The following ANKIB1 variants were observed in gnomAD, a reference collection of about 807,000 sequenced individuals.
ANKIB1 encodes the protein ankyrin repeat and IBR domain containing 1.
In ANKIB1, 43 loss-of-function variants were observed where a neutral mutation model predicts 122.1. The ratio of observed to expected loss-of-function variants is 0.35; its 90% CI spans 0.28 to 0.45. ANKIB1 has a LOEUF of 0.45. ANKIB1 is among the 20% of genes least tolerant of loss of function. ANKIB1 has a pLI of 1.00. For missense variants in ANKIB1, 992 were observed against 1,329.5 expected (o/e 0.75, Z 3.95); for synonymous variants, 390 against 442.0 (o/e 0.88, Z 1.48).
rs143386540 is a variant in ANKIB1 at position 92,314,068 on chromosome 7, C to T, written c.487-5262C>T. On this transcript the variant is annotated intron_variant, in intron 3 of 19. Coordinates refer to ENST00000265742, the MANE Select transcript of ANKIB1 (RefSeq NM_019004.2). ...ATCCCACTACTTTGGTTGGCCGAGG[C>T]GGGAGCGTATCTTGAGCCCAAAAGT... 2.9e-3 allele frequency among the ~76,000 whole-genome samples: 439 copies of T among 152,076 alleles called. 2 individuals are homozygous for T. The highest frequency in any genetic ancestry group is 4.9e-3 in the Non-Finnish European group (335 of 67,976).
chr7:92,392,142 A>G (rs1804799604), intron 16 of ANKIB1, 99 bp from the exon 17 acceptor site: 1 of 916,976 alleles, frequency 1.1e-6, no homozygotes, highest in African/African-American at 1.7e-5. Context: ...GCAAGTTCCA[A>G]CAGAGGAATT....
chr7:92,272,875 C>T (rs1312771862), intron 1 of ANKIB1, among the ~76,000 whole-genome samples: 1 of 152,094 alleles, frequency 6.6e-6, no homozygotes, highest in Non-Finnish European at 1.5e-5. Context: ...ATGTAAAAGC[C>T]TATTGCTCCT....
chr7:92,295,384 A>T lies in ANKIB1; in HGVS notation c.188+218A>T, dbSNP rs561509618. On this transcript the variant is annotated intron_variant, in intron 2 of 19. Coordinates refer to ENST00000265742, the MANE Select transcript of ANKIB1 (RefSeq NM_019004.2). ...GATATCATTTTCTTTATTATGATTT[A>T]GTCAAATTTTCTTTATTATATCTGA... Among the ~76,000 whole-genome samples, 3 of 152,290 alleles carry T rather than the reference A, an allele frequency of 2.0e-5. No homozygotes were observed. In the South Asian group the frequency reaches 6.2e-4, roughly 32 times the overall value.
intron 4 of ANKIB1, among the ~76,000 whole-genome samples, chr7:92,323,354 A>C (rs1225157255): frequency 8.5e-5 from 13 of 152,122 alleles, no homozygotes; most frequent in Admixed American, 7.2e-4. Context: ...TATCGTGTAA[A>C]TTGACTGTTC....
rs200370929 is a variant in ANKIB1, at chr7:92,398,701, T to C, written c.3022T>C (p.Ser1008Pro). The C allele has an allele frequency of 5.0e-6, 8 of 1,613,702 alleles. No individual in the cohort carries two copies. The East Asian group carries it at 1.8e-4, about 36-fold the overall frequency. Residue 1008 changes from serine (S) to proline (P), a missense_variant, in exon 20 of 20, where the codon TCA (serine) becomes CCA (proline). Ser to Pro is a moderately conservative substitution (Grantham distance 74). This residue lies in a region of ANKIB1 where 384 missense variants were observed against 412.0 expected (regional missense o/e 0.93). Transcript: ENST00000265742. ...DSQLPCIKDG[S>P]EGVKDVELVL... ...CCAGCTCCCCTGTATCAAAGATGGG[T>C]CAGAAGGTGTGAAGGATGTGGAACT...
At chr7:92,331,102 A>G (rs1803163190) in intron 5 of ANKIB1, among the ~76,000 whole-genome samples, 1 of 152,062 alleles carries the variant, frequency 6.6e-6, no homozygotes, top group African/African-American at 2.4e-5. Flanking sequence ...TCATAGTTGT[A>G]CTGGTTAGGG....
At chr7:92,338,929 AAAAAAT>A (rs1236402500) in intron 5 of ANKIB1, among the ~76,000 whole-genome samples, 18 of 36,810 alleles carry the variant, frequency 4.9e-4, no homozygotes, top group African/African-American at 1.6e-3. Flanking sequence ...AAAAAAAAAA[AAAAAAT>A]ATATATATAT....
At chr7:92,365,947 C>T (rs1304238752) in intron 10 of ANKIB1, among the ~76,000 whole-genome samples, 2 of 151,570 alleles carry the variant, frequency 1.3e-5, no homozygotes, top group Admixed American at 1.3e-4. Context: ...AGGCACCTGC[C>T]ACCATGCCCG....
At chr7:92,353,186 G>A (rs1442594087) in intron 9 of ANKIB1, among the ~76,000 whole-genome samples, 5 of 152,124 alleles carry the variant, frequency 3.3e-5, no homozygotes, top group Non-Finnish European at 7.4e-5. Flanking sequence ...GTTTTTGAGT[G>A]GGGCTCTAAA....
At chr7:92,357,549 A>G (rs1803843785) in intron 9 of ANKIB1, among the ~76,000 whole-genome samples, 1 of 152,076 alleles carries the variant, frequency 6.6e-6, no homozygotes, top group Admixed American at 6.6e-5. Context: ...AGCCTGGGCA[A>G]CATGGTGAAA....
At chr7:92,258,464 G>C (rs533844823) in intron 1 of ANKIB1, among the ~76,000 whole-genome samples, 1 of 152,268 alleles carries the variant, frequency 6.6e-6, no homozygotes, top group East Asian at 1.9e-4. Context: ...AGTGGGATCT[G>C]AGAGTGTTCA....
chr7:92,340,737 A>G (rs1403752996), intron 5 of ANKIB1, among the ~76,000 whole-genome samples: 1 of 152,222 alleles, frequency 6.6e-6, no homozygotes. Flanking sequence ...AATATTAGCT[A>G]ATGTTTATTG....
At chr7:92,305,912 T>A (rs1056276127) in intron 2 of ANKIB1, among the ~76,000 whole-genome samples, 4 of 152,170 alleles carry the variant, frequency 2.6e-5, no homozygotes, top group Admixed American at 2.6e-4. Context: ...GAGGAGTGGA[T>A]GATCCTCGAG....
chr7:92,309,942 A>ATATATATATATATATATAT (rs1554338740), intron 3 of ANKIB1, among the ~76,000 whole-genome samples: 5 of 91,796 alleles, frequency 5.4e-5, no homozygotes, highest in African/African-American at 2.4e-4. Flanking sequence ...AAAAAAAAAA[A>ATATATATATATATATATAT]ATATATATAT....
intron 11 of ANKIB1, among the ~76,000 whole-genome samples, chr7:92,382,745 C>CAT: frequency 6.6e-6 from 1 of 152,128 alleles, no homozygotes; most frequent in African/African-American, 2.4e-5. Flanking sequence ...AAGCAGTGTG[C>CAT]AGAGGGAAAT....
At chr7:92,278,612 C>G (rs553501101) in intron 1 of ANKIB1, among the ~76,000 whole-genome samples, 2 of 152,254 alleles carry the variant, frequency 1.3e-5, no homozygotes, top group East Asian at 3.9e-4. Flanking sequence ...AGGTTGAGTG[C>G]AAGAGGGACA....
chr7:92,258,015 A>G (rs533188628), intron 1 of ANKIB1, among the ~76,000 whole-genome samples: 37 of 152,174 alleles, frequency 2.4e-4, no homozygotes, highest in Non-Finnish European at 4.7e-4. Context: ...TCTTGCTCTG[A>G]AATGTGACTT....
chr7:92,349,545 A>G (rs1803614029), intron 7 of ANKIB1, among the ~76,000 whole-genome samples: 1 of 152,232 alleles, frequency 6.6e-6, no homozygotes, highest in South Asian at 2.1e-4. Context: ...CTAAGCAGTT[A>G]GATTTAATTG....
intron 1 of ANKIB1, among the ~76,000 whole-genome samples, chr7:92,275,706 G>A (rs763620466): frequency 1.3e-5 from 2 of 152,058 alleles, no homozygotes; most frequent in African/African-American, 2.4e-5. Context: ...ACTAAATGGC[G>A]AGACCTCCCC....
Sources: allele counts gnomAD v4.1 joint callset (sites outside exome capture counted in the v4.1 genomes callset), GRCh38; gene constraint gnomAD v4.1.1; regional missense constraint gnomAD v4.1.1; transcripts MANE v1.5; gene names NCBI Gene and HGNC (gene_info 2026-07-23, HGNC 2026-07-21).